Variants in RSPRY1 observed in about 807,000 individuals in gnomAD.
The protein encoded by RSPRY1 is RING finger and SPRY domain-containing protein 1.
Under a neutral mutation model 73.1 loss-of-function variants are expected in RSPRY1, and 23 were observed. The observed-to-expected ratio is 0.31, with a 90% confidence interval of 0.23 to 0.45. The LOEUF (loss-of-function observed/expected upper bound fraction) is 0.45, where lower values mean the gene tolerates loss of function less well. RSPRY1 is among the 20% of genes least tolerant of loss of function. RSPRY1 has a pLI of 1.00. For synonymous variants in RSPRY1, 226 were observed against 251.4 expected, an observed-to-expected ratio of 0.90 and a Z score of 0.95; for missense variants, 448 against 698.7, an observed-to-expected ratio of 0.64 and a Z score of 4.05.
chr16:57,200,951 G>T (rs1364905753), intron 1 of RSPRY1, among the ~76,000 whole-genome samples: 6 of 108,178 alleles, frequency 5.5e-5, no homozygotes, highest in East Asian at 4.0e-4. Context: ...GCTGGCCGGG[G>T]GGGGGGGGGG....
chr16:57,208,396 A>ATTT (rs1432632495), intron 3 of RSPRY1, among the ~76,000 whole-genome samples: 3 of 38,168 alleles, frequency 7.9e-5, no homozygotes, highest in African/African-American at 2.0e-4. Context: ...ATATATATAT[A>ATTT]TATATTTTTT....
intron 4 of RSPRY1, among the ~76,000 whole-genome samples, chr16:57,212,091 C>G (rs2074854449): frequency 1.3e-5 from 2 of 152,082 alleles, no homozygotes; most frequent in Admixed American, 1.3e-4. Flanking sequence ...GCAGGAGGAT[C>G]ACTTAAGGCC....
In RSPRY1 at chr16:57,216,956, A is replaced by G; in HGVS notation, c.822A>G (p.Thr274=). 3 of 1,613,812 alleles carry G rather than the reference A, an allele frequency of 1.9e-6. No homozygotes were observed. Among genetic ancestry groups the G allele is most frequent in the South Asian group, 1.1e-5 (1 of 91,084 alleles). ...CCAGTATTAGTGACCGGCTTGTCACATTGGAGTCCTGGGCTAATGATCCTG... is the reference window on the plus strand; with the variant it reads ...CCAGTATTAGTGACCGGCTTGTCACGTTGGAGTCCTGGGCTAATGATCCTG... ...SESSISDRLV[T]LESWANDPDY... Residue 274 remains threonine, a synonymous_variant, in exon 8 of 15, where the codon ACA becomes ACG. Transcript: ENST00000394420.
chr16:57,230,672 C>T (rs1355837992), intron 11 of RSPRY1, 39 bp from the exon 12 acceptor site: 5 of 1,125,546 alleles, frequency 4.4e-6, no homozygotes, highest in South Asian at 3.7e-5. Context: ...CCTGGTAGTA[C>T]ACATCATTAT....
intron 10 of RSPRY1, among the ~76,000 whole-genome samples, chr16:57,222,210 C>T (rs1229855304): frequency 6.6e-6 from 1 of 151,888 alleles, no homozygotes; most frequent in African/African-American, 2.4e-5. Context: ...AGAAGTGATC[C>T]AACAAAATCA....
chr16:57,239,421 C>T lies in RSPRY1; in HGVS notation c.*446C>T, dbSNP rs1192200786. ...CATAACTTCTCACTGGTCAGAGACA[C>T]CGGTGTGTCAAGCATGGATATTGCA... On this transcript the variant is annotated 3_prime_UTR_variant, in exon 15 of 15. Transcript: ENST00000394420. The T allele has an allele frequency of 2.0e-5, 3 of 152,350 alleles. No homozygotes were observed. Among genetic ancestry groups the T allele is most frequent in the Non-Finnish European group, 4.4e-5 (3 of 68,176 alleles). 9.4% of individuals were successfully genotyped at this position (152,350 alleles called of 1,614,324 possible). A position where few individuals can be genotyped will look rare whatever the true frequency, so the allele number is the denominator to read the frequency against.
At chr16:57,215,212 T>A (rs2074917802) in intron 6 of RSPRY1, among the ~76,000 whole-genome samples, 1 of 151,928 alleles carries the variant, frequency 6.6e-6, no homozygotes, top group Admixed American at 6.6e-5. Flanking sequence ...CAGGCAGAAG[T>A]CCAGAGACAG....
At chr16:57,194,911 G>A (rs1201679090) in intron 1 of RSPRY1, among the ~76,000 whole-genome samples, 3 of 152,120 alleles carry the variant, frequency 2.0e-5, no homozygotes, top group Non-Finnish European at 4.4e-5. Context: ...TATAAAGACA[G>A]TGAGTACCAG....
At chr16:57,238,259 C>CT (rs2075330073) in intron 14 of RSPRY1, among the ~76,000 whole-genome samples, 1 of 152,158 alleles carries the variant, frequency 6.6e-6, no homozygotes, top group Non-Finnish European at 1.5e-5. Context: ...TCTCTAAACT[C>CT]TAAGTTTAAT....
intron 10 of RSPRY1, among the ~76,000 whole-genome samples, chr16:57,222,994 GT>G (rs36021515): frequency 6.6e-6 from 1 of 152,078 alleles, no homozygotes; most frequent in South Asian, 2.1e-4. Context: ...CTTAAATACT[GT>G]TTTTTTATCC....
chr16:57,227,339 C>A lies in RSPRY1; in HGVS notation c.1162-3C>A. The A allele has an allele frequency of 6.2e-7, 1 of 1,609,864 alleles. No individual in the cohort carries two copies. Among genetic ancestry groups the A allele is most frequent in the Non-Finnish European group, 8.5e-7 (1 of 1,176,176 alleles). On this transcript the variant is annotated splice_polypyrimidine_tract_variant and splice_region_variant and intron_variant, in intron 10 of 14. Coordinates refer to ENST00000394420, the MANE Select transcript of RSPRY1 (RefSeq NM_133368.3). ...TAATCTTCTGGGCCTTGTCTCTCTC[C>A]AGGAAGGCTACGGCATTGGGGATGA...
intron 10 of RSPRY1, chr16:57,224,278 C>A (rs144729278): frequency 1.3e-5 from 2 of 152,218 alleles, no homozygotes; most frequent in East Asian, 3.8e-4. Flanking sequence ...ATGGGAAGGT[C>A]CAGCTGGCCA....
intron 1 of RSPRY1, among the ~76,000 whole-genome samples, chr16:57,199,926 T>C (rs2074534580): frequency 6.7e-6 from 1 of 149,290 alleles, no homozygotes; most frequent in South Asian, 2.1e-4. Flanking sequence ...TTTTTTTTTT[T>C]TTATTGATCA....
intron 8 of RSPRY1, among the ~76,000 whole-genome samples, chr16:57,217,513 C>G (rs2074960734): frequency 6.6e-6 from 1 of 152,138 alleles, no homozygotes; most frequent in Non-Finnish European, 1.5e-5. Context: ...CCAAGGGCTG[C>G]TGGGACAAAA....
In RSPRY1 at chr16:57,220,841, C is replaced by G. The variant is rs1367249257; in HGVS notation, c.1011C>G (p.Gly337=). The change falls in exon 9 of 15, where the codon GGC becomes GGG. Residue 337 remains glycine, a synonymous_variant. Transcript: ENST00000394420. ...VSEYLKISPH[G]LEARCDASSF... The stretch of plus-strand genomic sequence containing the variant: ...AGTACCTGAAGATCTCACCTCATGG[C>G]TTAGAGGTAGGTAATGCTTCTACAG... The G allele has an allele frequency of 6.2e-7, 1 of 1,606,222 alleles. No individual in the cohort carries two copies. Among genetic ancestry groups the G allele is most frequent in the East Asian group, 2.2e-5 (1 of 44,834 alleles).
chr16:57,200,557 G>A (rs538017897), intron 1 of RSPRY1, among the ~76,000 whole-genome samples: 2,550 of 148,798 alleles, frequency 0.017, 53 homozygotes, highest in African/African-American at 0.059. Flanking sequence ...CCTCCCTCCC[G>A]GATGGGGCGG....
chr16:57,217,854 T>C (rs1264249727), intron 8 of RSPRY1, among the ~76,000 whole-genome samples: 2 of 152,152 alleles, frequency 1.3e-5, no homozygotes, highest in African/African-American at 4.8e-5. Flanking sequence ...TACCCCAATA[T>C]TGTGGGGAGG....
intron 6 of RSPRY1, among the ~76,000 whole-genome samples, chr16:57,214,687 G>C (rs112220061): frequency 1.4e-3 from 207 of 152,360 alleles, no homozygotes; most frequent in African/African-American, 4.7e-3. Flanking sequence ...AAGGTAATTA[G>C]CCTCCATTTT....
At chr16:57,192,961 C>T (rs1401194926) in intron 1 of RSPRY1, among the ~76,000 whole-genome samples, 5 of 152,172 alleles carry the variant, frequency 3.3e-5, no homozygotes, top group Non-Finnish European at 5.9e-5. Context: ...AGCTGTCTGC[C>T]TGCCTTGGCC....
Sources: allele counts gnomAD v4.1 joint callset (sites outside exome capture counted in the v4.1 genomes callset), GRCh38; gene constraint gnomAD v4.1.1; transcripts MANE v1.5; gene names NCBI Gene and HGNC (gene_info 2026-07-23, HGNC 2026-07-21).